Variants in RAB11FIP2 observed in about 807,000 individuals in gnomAD.
The protein encoded by RAB11FIP2 is rab11 family-interacting protein 2.
In RAB11FIP2, 16 loss-of-function variants were observed where a neutral mutation model predicts 40.9. The ratio of observed to expected loss-of-function variants is 0.39; its 90% CI spans 0.26 to 0.59. The LOEUF (loss-of-function observed/expected upper bound fraction) is 0.59, where lower values mean the gene tolerates loss of function less well. RAB11FIP2 is among the 20% of genes least tolerant of loss of function. The pLI is 0.53. For missense variants in RAB11FIP2, 532 were observed against 606.2 expected, an observed-to-expected ratio of 0.88 and a Z score of 1.28; for synonymous variants, 228 against 213.7, an observed-to-expected ratio of 1.07 and a Z score of -0.58.
chr10:118,013,800 T>C (rs1163640036), intron 4 of RAB11FIP2, among the ~76,000 whole-genome samples: 2 of 152,100 alleles, frequency 1.3e-5, no homozygotes, highest in African/African-American at 4.8e-5. Flanking sequence ...TAAGGATGCT[T>C]CTACAGCAAT....
At chr10:118,018,085 T>A (rs1193214782) in intron 3 of RAB11FIP2, 3 of 152,198 alleles carry the variant, frequency 2.0e-5, no homozygotes, top group African/African-American at 7.2e-5. Context: ...ACAGTGCAGA[T>A]CTGAGTGAGA....
At position 118,005,591 on chromosome 10, in the gene RAB11FIP2, A is replaced by G. The variant is rs969318018; in HGVS notation, c.*3407T>C. On this transcript the variant is annotated 3_prime_UTR_variant, in exon 5 of 5. Coordinates refer to ENST00000355624, the MANE Select transcript of RAB11FIP2 (RefSeq NM_014904.3). ...CATCATACTTCACTTACACATACAC[A>G]CAAGTGACACCTACCACCTACAAGA... The G allele has an allele frequency of 6.6e-6, 1 of 152,238 alleles. No homozygotes were observed. The highest frequency in any genetic ancestry group is 1.5e-5 in the Non-Finnish European group (1 of 68,036). 9.4% of individuals were successfully genotyped at this position (152,238 alleles called of 1,614,324 possible).
At chr10:118,022,771 G>C (rs1317648731) in intron 3 of RAB11FIP2, among the ~76,000 whole-genome samples, 1 of 152,144 alleles carries the variant, frequency 6.6e-6, no homozygotes, top group African/African-American at 2.4e-5. Context: ...CTTAGCATCT[G>C]ACACAGTGCC....
At chr10:118,045,766 T>A in intron 1 of RAB11FIP2, 45 bp downstream of exon 1, 1 of 1,435,424 alleles carries the variant, frequency 7.0e-7, no homozygotes, top group Non-Finnish European at 9.4e-7. Context: ...AAACCATAAA[T>A]AAGATATAAA....
At chr10:118,042,193 A>G (rs1846568727) in intron 1 of RAB11FIP2, among the ~76,000 whole-genome samples, 1 of 152,176 alleles carries the variant, frequency 6.6e-6, no homozygotes, top group Non-Finnish European at 1.5e-5. Flanking sequence ...ATACTTTGCA[A>G]AAAATGTACC....
At chr10:118,023,962 T>C (rs1846310814) in intron 3 of RAB11FIP2, among the ~76,000 whole-genome samples, 1 of 151,938 alleles carries the variant, frequency 6.6e-6, no homozygotes, top group Non-Finnish European at 1.5e-5. Flanking sequence ...TGGTGGCATG[T>C]GTCTATAATC....
intron 3 of RAB11FIP2, chr10:118,018,324 T>C (rs921748677): frequency 6.6e-6 from 1 of 152,252 alleles, no homozygotes; most frequent in African/African-American, 2.4e-5. Flanking sequence ...ATTTGTGATA[T>C]CTTTCTCTTT....
At chr10:118,039,617 T>C (rs1035356357) in intron 2 of RAB11FIP2, 177 bp from the exon 3 acceptor site, 1 of 610,180 alleles carries the variant, frequency 1.6e-6, no homozygotes, top group Non-Finnish European at 2.8e-6. Context: ...GTCTGAAGCA[T>C]CGAGGCTGAT....
Position 118,014,192 on chromosome 10 carries a change from T to C in RAB11FIP2, c.1311+873A>G, listed in dbSNP as rs1041777126. On this transcript the variant is annotated intron_variant, in intron 4 of 4. Coordinates refer to ENST00000355624, the MANE Select transcript of RAB11FIP2 (RefSeq NM_014904.3). ...AACCCACCTTAGCTTCTTCTAGCCATGTCACATCCTAAAAAATAGTGATAT... is the reference window on the plus strand; with the variant it reads ...AACCCACCTTAGCTTCTTCTAGCCACGTCACATCCTAAAAAATAGTGATAT... Among the ~76,000 whole-genome samples, 14 of 152,232 alleles carry C rather than the reference T, an allele frequency of 9.2e-5. No individual in the cohort carries two copies. In the East Asian group the frequency reaches 1.7e-3, roughly 19 times the overall value.
Position 118,013,221 on chromosome 10 carries a change from A to AG in RAB11FIP2, c.1311+1843dup, listed in dbSNP as rs1445010635. On this transcript the variant is annotated intron_variant, in intron 4 of 4. Coordinates refer to ENST00000355624, the MANE Select transcript of RAB11FIP2 (RefSeq NM_014904.3). ...CATCCAAGGCAACTAGAGGAGAGAG[A>AG]GAAAAAAAAATGAAGGCTTGGCATT... is the stretch of plus-strand genomic sequence containing the variant. 1.1e-4 allele frequency among the ~76,000 whole-genome samples: 16 copies of AG among 152,142 alleles called. No individual in the cohort carries two copies. In the Middle Eastern group the frequency reaches 0.01, roughly 97 times the overall value.
intron 1 of RAB11FIP2, chr10:118,043,678 T>C (rs2133185231): frequency 6.6e-6 from 1 of 152,328 alleles, no homozygotes. Flanking sequence ...GTAAAAAGTG[T>C]CACACCCAGC....
chr10:118,019,303 A>C (rs375880990), intron 3 of RAB11FIP2, among the ~76,000 whole-genome samples: 14 of 152,218 alleles, frequency 9.2e-5, no homozygotes, highest in African/African-American at 3.4e-4. Flanking sequence ...GTATTTAAGA[A>C]GTGAATTCAA....
At chr10:118,039,699 T>C (rs909333982) in intron 2 of RAB11FIP2, 8 of 424,470 alleles carry the variant, frequency 1.9e-5, no homozygotes, top group Non-Finnish European at 3.3e-5. Context: ...ATGTCAAAAC[T>C]AGAGGTTCTG....
rs141963120 is a variant in RAB11FIP2, at chr10:118,045,813, T to C, written c.351A>G (p.Thr117=). ...DIFEDKQRRK[T]EWFRLESKQG... is the part of the protein sequence containing the mutation. ...TCAAAATAAATTACATAACTTACTC[T>C]GTTTTCCTTCTTTGTTTGTCCTCAA... The change falls in exon 1 of 5, where the codon ACA becomes ACG. Residue 117 remains threonine (T), a splice_region_variant and synonymous_variant. Coordinates refer to ENST00000355624, the MANE Select transcript of RAB11FIP2 (RefSeq NM_014904.3). 2.1e-4 allele frequency: 340 copies of C among 1,590,636 alleles called. No individual in the cohort carries two copies. Among genetic ancestry groups the C allele is most frequent in the Non-Finnish European group, 2.7e-4 (319 of 1,167,378 alleles).
In RAB11FIP2 at chr10:118,005,084, TAAG is replaced by T. The variant is rs1320924176; in HGVS notation, c.*3911_*3913del. The T allele has an allele frequency of 6.6e-6, 1 of 152,640 alleles. No individual in the cohort carries two copies. The highest frequency in any genetic ancestry group is 1.5e-5 in the Non-Finnish European group (1 of 68,044). The allele number at this position is 152,640 out of a possible 1,614,324, so 9.5% of individuals were successfully genotyped here. A position where few individuals can be genotyped will look rare whatever the true frequency, so the allele number is the denominator to read the frequency against. On this transcript the variant is annotated 3_prime_UTR_variant, in exon 5 of 5. Transcript: ENST00000355624. ...TATACAAGTTATGAGAGCATTTACT[TAAG>T]AAGATAAGTGTTATACTCTTCAGTT...
At chr10:118,041,423 T>A (rs969166376) in intron 1 of RAB11FIP2, among the ~76,000 whole-genome samples, 1 of 152,150 alleles carries the variant, frequency 6.6e-6, no homozygotes, top group African/African-American at 2.4e-5. Context: ...GAAGCAATAT[T>A]TTGGTTTTAT....
intron 3 of RAB11FIP2, among the ~76,000 whole-genome samples, chr10:118,029,075 A>G (rs1418240804): frequency 6.6e-6 from 1 of 152,044 alleles, no homozygotes; most frequent in Non-Finnish European, 1.5e-5. Flanking sequence ...CTACAATCCC[A>G]AGTTTGATTC....
intron 3 of RAB11FIP2, among the ~76,000 whole-genome samples, chr10:118,029,199 C>T (rs1212919340): frequency 2.6e-5 from 4 of 151,974 alleles, no homozygotes; most frequent in Non-Finnish European, 4.4e-5. Context: ...TTTTTATTGT[C>T]TCTTCTCCCT....
chr10:118,025,124 T>G (rs1057511026), intron 3 of RAB11FIP2, among the ~76,000 whole-genome samples: 5 of 152,230 alleles, frequency 3.3e-5, no homozygotes, highest in African/African-American at 1.2e-4. Flanking sequence ...AGAGTTTGTT[T>G]CAGTGGGGCT....
Sources: gnomAD v4.1 joint callset for allele counts (sites outside exome capture counted in the v4.1 genomes callset) on GRCh38, gnomAD v4.1.1 for gene constraint, MANE v1.5 for transcripts, NCBI Gene and HGNC (gene_info 2026-07-23, HGNC 2026-07-21) for gene names.